HORMAD2: variants seen among roughly 807,000 people sequenced by gnomAD.
HORMAD2 encodes the protein HORMA domain containing 2, also known as HORMA domain-containing protein 2.
HORMAD2 carries 45 observed loss-of-function variants against 38.8 expected under a neutral mutation model. The observed-to-expected ratio is 1.16, with a 90% CI of 0.91 to 1.49. The LOEUF (loss-of-function observed/expected upper bound fraction) is 1.49, where lower values mean the gene tolerates loss of function less well. HORMAD2 is among the 40% of genes most tolerant of loss of function. HORMAD2 has a pLI of 0.00. For missense variants in HORMAD2, 338 were observed against 367.0 expected (o/e 0.92, Z 0.65); for synonymous variants, 126 against 122.8 (o/e 1.03, Z -0.17).
At chr22:30,101,573 C>T (rs1920945514) in intron 3 of HORMAD2, among the ~76,000 whole-genome samples, 1 of 150,594 alleles carries the variant, frequency 6.6e-6, no homozygotes, top group Non-Finnish European at 1.5e-5. Flanking sequence ...ACATGTATTC[C>T]AGAACTTAAA....
intron 10 of HORMAD2, among the ~76,000 whole-genome samples, chr22:30,157,226 C>A (rs1187249718): frequency 6.6e-6 from 1 of 152,200 alleles, no homozygotes; most frequent in Non-Finnish European, 1.5e-5. Flanking sequence ...AGGAGACTAA[C>A]AAAGCTCCTC....
chr22:30,088,071 A>C (rs2068605733), intron 1 of HORMAD2, among the ~76,000 whole-genome samples: 1 of 150,022 alleles, frequency 6.7e-6, no homozygotes, highest in South Asian at 2.1e-4. Flanking sequence ...ATATACACAC[A>C]CGTACACACG....
intron 2 of HORMAD2, among the ~76,000 whole-genome samples, 199 bp from the exon 3 acceptor site, chr22:30,098,653 T>C (rs9614143): frequency 0.15 from 23,478 of 152,176 alleles, 1,902 homozygotes; most frequent in South Asian, 0.26. Flanking sequence ...ACTTGGGTAA[T>C]TGTTTCTGCC....
At chr22:30,171,535 A>G (rs1296117705) in intron 10 of HORMAD2, among the ~76,000 whole-genome samples, 1 of 152,134 alleles carries the variant, frequency 6.6e-6, no homozygotes, top group East Asian at 1.9e-4. Flanking sequence ...CTGCCATGCA[A>G]GTTATCACCT....
At chr22:30,206,682 A>C in the HORMAD2 span, among the ~76,000 whole-genome samples, 1 of 151,020 alleles carries the variant, frequency 6.6e-6, no homozygotes, top group Non-Finnish European at 1.5e-5. Context: ...AAGTCTCACT[A>C]TGTTGCCCAG....
At chr22:30,177,350 C>T (rs980133451), downstream of HORMAD2, among the ~76,000 whole-genome samples, 1 of 152,192 alleles carries the variant, frequency 6.6e-6, no homozygotes, top group Non-Finnish European at 1.5e-5. Flanking sequence ...TCCCAGGGAG[C>T]CTGCCTGTTC....
chr22:30,121,626 G>A lies in HORMAD2; in HGVS notation c.411-6G>A, dbSNP rs1191098123. ...GATCAAAAAGTATGCTTTTTTTTCT[G>A]TGTAGTCATAGCAGCAGTACAAGCT... On this transcript the variant is annotated splice_region_variant and splice_polypyrimidine_tract_variant and intron_variant, in intron 8 of 10. Transcript: ENST00000336726. 1.3e-6 allele frequency: 2 copies of A among 1,566,774 alleles called. No individual in the cohort carries two copies. Among genetic ancestry groups the A allele is most frequent in the African/African-American group, 1.4e-5 (1 of 73,298 alleles).
intron 10 of HORMAD2, among the ~76,000 whole-genome samples, chr22:30,148,512 C>G (rs913531973): frequency 1.3e-5 from 2 of 152,066 alleles, no homozygotes; most frequent in African/African-American, 4.8e-5. Flanking sequence ...AAAATAGGTG[C>G]ATTTTTTACA....
chr22:30,148,533 T>C (rs899579633), intron 10 of HORMAD2, among the ~76,000 whole-genome samples: 6 of 152,208 alleles, frequency 3.9e-5, no homozygotes, highest in African/African-American at 1.4e-4. Context: ...TTCTGTTTCA[T>C]GTAAAGTTTG....
Position 30,176,105 on chromosome 22 carries a change from T to G in HORMAD2, c.862T>G (p.Cys288Gly), listed in dbSNP as rs781265041. The G allele has an allele frequency of 3.1e-6, 5 of 1,613,490 alleles. No individual in the cohort carries two copies. Among genetic ancestry groups the G allele is most frequent in the South Asian group, 1.1e-5 (1 of 91,080 alleles). ...NFVCSQQSSE[C>G]SRKKRKVSEP... ...TGTGTGCAGTCAGCAAAGTTCTGAG[T>G]GCTCCAGGAAGAAGAGGAAGGTCAG... The change falls in exon 11 of 11, where the codon TGC becomes GGC. Residue 288 changes from cysteine to glycine, a missense_variant. Coordinates refer to ENST00000336726, the MANE Select transcript of HORMAD2 (RefSeq NM_152510.4).
intron 10 of HORMAD2, among the ~76,000 whole-genome samples, chr22:30,134,299 T>A (rs1923496419): frequency 6.6e-6 from 1 of 151,214 alleles, no homozygotes; most frequent in Non-Finnish European, 1.5e-5. Context: ...CTCGGTAGGC[T>A]GAGGCAGGAA....
intron 2 of HORMAD2, among the ~76,000 whole-genome samples, chr22:30,094,741 C>T (rs890007519): frequency 1.3e-5 from 2 of 152,012 alleles, no homozygotes; most frequent in African/African-American, 2.4e-5. Flanking sequence ...GGTGGACAGA[C>T]CTTGAATGAT....
chr22:30,130,459 T>A (rs1923193086), intron 10 of HORMAD2, among the ~76,000 whole-genome samples: 1 of 152,174 alleles, frequency 6.6e-6, no homozygotes, highest in East Asian at 1.9e-4. Context: ...ACGTTGGAAT[T>A]GTCCAAGGAA....
At position 30,137,299 on chromosome 22, in the gene HORMAD2, A is replaced by G. The variant is rs1010613484; in HGVS notation, c.819+15085A>G. ...CTTGAGGCCATCAGATGCAATTTTG[A>G]TTCCTTGAGTCCTGGCGATGAGTGT... On this transcript the variant is annotated intron_variant, in intron 10 of 10. Transcript: ENST00000336726. 130 of 523,252 alleles carry G rather than the reference A, an allele frequency of 2.5e-4. No homozygotes were observed. In the Admixed American group the frequency reaches 2.7e-3, roughly 11 times the overall value. The allele number at this position is 523,252 out of a possible 1,614,324, so 32.4% of individuals were successfully genotyped here.
chr22:30,129,924 A>G (rs1173354852), intron 10 of HORMAD2, among the ~76,000 whole-genome samples: 1 of 152,176 alleles, frequency 6.6e-6, no homozygotes, highest in Non-Finnish European at 1.5e-5. Flanking sequence ...TGTCTCTGTG[A>G]CTTAGAATTA....
At chr22:30,188,399 G>GA in the HORMAD2 span, among the ~76,000 whole-genome samples, 599 of 149,004 alleles carry the variant, frequency 4.0e-3, 2 homozygotes, top group Admixed American at 7.7e-3. Context: ...CATCTCTGGA[G>GA]AAAAAAAAAA....
intron 10 of HORMAD2, among the ~76,000 whole-genome samples, chr22:30,134,442 A>G (rs1923515027): frequency 6.8e-6 from 1 of 147,646 alleles, no homozygotes; most frequent in Non-Finnish European, 1.5e-5. Context: ...AAGTATAATC[A>G]TAAATAAATA....
At chr22:30,128,873 T>C (rs1337643845) in intron 10 of HORMAD2, among the ~76,000 whole-genome samples, 2 of 152,186 alleles carry the variant, frequency 1.3e-5, no homozygotes, top group Non-Finnish European at 2.9e-5. Context: ...CTCTAAGATA[T>C]CTTTCATGCT....
At chr22:30,150,185 G>C (rs1437081974) in intron 10 of HORMAD2, among the ~76,000 whole-genome samples, 2 of 152,030 alleles carry the variant, frequency 1.3e-5, no homozygotes, top group Non-Finnish European at 2.9e-5. Flanking sequence ...TGGATTCCCT[G>C]TTCAGGTATT....
Sources: allele counts gnomAD v4.1 joint callset (sites outside exome capture counted in the v4.1 genomes callset), GRCh38; gene constraint gnomAD v4.1.1; transcripts MANE v1.5; gene names NCBI Gene and HGNC (gene_info 2026-07-23, HGNC 2026-07-21).